The following OSBPL6 variants were observed in gnomAD, a reference collection of about 807,000 sequenced individuals.
The protein encoded by OSBPL6 is oxysterol binding protein like 6.
Under a neutral mutation model 125.8 loss-of-function variants are expected in OSBPL6, and 49 were observed. That is an observed-to-expected ratio of 0.39 (90% CI 0.31 to 0.49). OSBPL6 has a LOEUF of 0.49. Among genes scored for constraint, OSBPL6 ranks in the 20% least tolerant of loss-of-function variants. OSBPL6 has a pLI of 0.88. For missense variants in OSBPL6, 986 were observed against 1,135.4 expected (o/e 0.87, Z 1.89); for synonymous variants, 394 against 391.8 (o/e 1.01, Z -0.07).
intron 2 of OSBPL6, among the ~76,000 whole-genome samples, chr2:178,287,602 A>T (rs1189328373): frequency 6.6e-6 from 1 of 152,184 alleles, no homozygotes; most frequent in Non-Finnish European, 1.5e-5. Flanking sequence ...CTATAGGAGA[A>T]AAAAACTGAA....
chr2:178,306,353 G>T, intron 3 of OSBPL6, 67 bp downstream of exon 3: 1 of 960,136 alleles, frequency 1.0e-6, no homozygotes, highest in South Asian at 1.4e-5. Flanking sequence ...GATAGGATGG[G>T]GTTGCTAATT....
chr2:178,298,695 C>CT (rs796165404), intron 2 of OSBPL6, among the ~76,000 whole-genome samples: 78 of 141,692 alleles, frequency 5.5e-4, no homozygotes, highest in African/African-American at 1.6e-3. Flanking sequence ...TTTTTAGTTG[C>CT]TTTTTTTTTT....
intron 3 of OSBPL6, among the ~76,000 whole-genome samples, chr2:178,314,870 G>T (rs375608525): frequency 6.6e-6 from 1 of 152,188 alleles, no homozygotes; most frequent in African/African-American, 2.4e-5. Flanking sequence ...ACTATTAGAT[G>T]TTGTAATGCT....
Position 178,383,004 on chromosome 2 carries a change from T to C in OSBPL6, c.1622-20T>C. 2 of 1,613,330 alleles carry C rather than the reference T, an allele frequency of 1.2e-6. No individual in the cohort carries two copies. Among genetic ancestry groups the C allele is most frequent in the East Asian group, 2.2e-5 (1 of 44,886 alleles). ...ATCAGAACAGCAAAGTGTCCTTCAC[T>C]GTGACTCTCCTTCTTCCAGTCCTGA... On this transcript the variant is annotated intron_variant, in intron 16 of 24. Coordinates refer to ENST00000190611, the MANE Select transcript of OSBPL6 (RefSeq NM_032523.4).
intron 11 of OSBPL6, chr2:178,344,478 A>C: frequency 1.1e-6 from 1 of 910,090 alleles, no homozygotes; most frequent in Non-Finnish European, 1.7e-6. Flanking sequence ...TAGCCCAATC[A>C]TGGCAGCATA....
At chr2:178,211,867 T>C (rs2089877740) in intron 1 of OSBPL6, among the ~76,000 whole-genome samples, 1 of 152,206 alleles carries the variant, frequency 6.6e-6, no homozygotes, top group Non-Finnish European at 1.5e-5. Context: ...TTAGGAACTC[T>C]AACTCTGTTA....
chr2:178,382,581 A>G (rs987670983), intron 16 of OSBPL6, 74 bp downstream of exon 16: 1 of 1,595,862 alleles, frequency 6.3e-7, no homozygotes, highest in East Asian at 2.3e-5. Context: ...ATGAACAGGC[A>G]TTCCCCCTCC....
chr2:178,293,293 G>A (rs1027657037), intron 2 of OSBPL6, among the ~76,000 whole-genome samples: 2 of 152,010 alleles, frequency 1.3e-5, no homozygotes, highest in African/African-American at 4.8e-5. Flanking sequence ...GGGGTTTTGG[G>A]GAGAGTGGTG....
intron 15 of OSBPL6, among the ~76,000 whole-genome samples, chr2:178,381,392 C>T (rs1195933568): frequency 6.6e-6 from 1 of 152,080 alleles, no homozygotes; most frequent in Non-Finnish European, 1.5e-5. Context: ...CTCGCTCTGT[C>T]GCCCAGGCTA....
chr2:178,218,174 T>A (rs1465499547), intron 1 of OSBPL6, among the ~76,000 whole-genome samples: 2 of 152,218 alleles, frequency 1.3e-5, no homozygotes, highest in Non-Finnish European at 2.9e-5. Context: ...AATTTGTTTC[T>A]GCTATAAAAG....
intron 1 of OSBPL6, among the ~76,000 whole-genome samples, chr2:178,197,533 A>T (rs1380481942): frequency 1.3e-5 from 2 of 152,180 alleles, no homozygotes; most frequent in Non-Finnish European, 2.9e-5. Flanking sequence ...ATGGTGCCAA[A>T]CCCTATGTAT....
chr2:178,376,024 C>T lies in OSBPL6; in HGVS notation c.1533+1997C>T, dbSNP rs541599666. On this transcript the variant is annotated intron_variant, in intron 15 of 24. Transcript: ENST00000190611. ...GGGATAAGAAGGTGGAGGGCAGGGT[C>T]GCAGGGAGATGAGACATTCACTGTG... is the stretch of plus-strand genomic sequence containing the variant. Among the ~76,000 whole-genome samples, 38 of 152,068 alleles carry T rather than the reference C, an allele frequency of 2.5e-4. No homozygotes were observed. The South Asian group carries it at 7.9e-3, about 32-fold the overall frequency.
chr2:178,291,685 C>T (rs1473889043), intron 2 of OSBPL6, among the ~76,000 whole-genome samples: 2 of 149,228 alleles, frequency 1.3e-5, no homozygotes, highest in African/African-American at 4.9e-5. Flanking sequence ...TTCCTTCCTT[C>T]CTTCCTTCCT....
At chr2:178,203,761 G>A (rs2089380402) in intron 1 of OSBPL6, among the ~76,000 whole-genome samples, 1 of 152,210 alleles carries the variant, frequency 6.6e-6, no homozygotes, top group African/African-American at 2.4e-5. Context: ...TTGGCTTTAA[G>A]ATTTGTTTAG....
intron 1 of OSBPL6, among the ~76,000 whole-genome samples, chr2:178,220,458 G>A (rs2090291484): frequency 6.6e-6 from 1 of 151,958 alleles, no homozygotes; most frequent in Non-Finnish European, 1.5e-5. Flanking sequence ...CACCATGGCT[G>A]GGCCTTTTTT....
rs747081440 is a variant in OSBPL6, at chr2:178,394,453, C to T, written c.2696+18C>T. 2 of 1,589,840 alleles carry T rather than the reference C, an allele frequency of 1.3e-6. No individual in the cohort carries two copies. The highest frequency in any genetic ancestry group is 2.3e-5 in the South Asian group (2 of 86,006). On this transcript the variant is annotated intron_variant, in intron 24 of 24. Transcript: ENST00000190611. ...TTTTTTAAGTAAGTCAGTTAACTCC[C>T]ATAGCAAGTTCATGTTTTGCAAATG...
At chr2:178,213,762 G>T (rs1574501224) in intron 1 of OSBPL6, among the ~76,000 whole-genome samples, 1 of 152,158 alleles carries the variant, frequency 6.6e-6, no homozygotes, top group Admixed American at 6.5e-5. Context: ...ATTTACAACA[G>T]CCCAGACTGA....
chr2:178,335,973 A>G (rs2154079632), intron 8 of OSBPL6, among the ~76,000 whole-genome samples: 1 of 152,236 alleles, frequency 6.6e-6, no homozygotes, highest in East Asian at 1.9e-4. Flanking sequence ...AGTTAAGAGT[A>G]CTGCAGTAAG....
At chr2:178,332,779 T>C in intron 7 of OSBPL6, 25 bp downstream of exon 7, 1 of 1,611,462 alleles carries the variant, frequency 6.2e-7, no homozygotes, top group Non-Finnish European at 8.5e-7. Context: ...CAACAGTTTC[T>C]CTGCCATTAT....
Sources: allele counts gnomAD v4.1 joint callset (sites outside exome capture counted in the v4.1 genomes callset), GRCh38; gene constraint gnomAD v4.1.1; transcripts MANE v1.5; gene names NCBI Gene and HGNC (gene_info 2026-07-23, HGNC 2026-07-21).